Variants in PAK5 observed in about 807,000 individuals in gnomAD.
PAK5 encodes p21 (RAC1) activated kinase 5.
A neutral mutation model predicts 65.9 loss-of-function variants in PAK5; 16 were observed. The ratio of observed to expected loss-of-function variants is 0.24; its 90% CI spans 0.16 to 0.37. The LOEUF is 0.37. Among genes scored for constraint, PAK5 ranks in the 10% least tolerant of loss-of-function variants. PAK5 has a pLI of 1.00. For synonymous variants in PAK5, 371 were observed against 354.9 expected (o/e 1.05, Z -0.51); for missense variants, 785 against 903.9 (o/e 0.87, Z 1.69).
At position 9,780,160 on chromosome 20, in the gene PAK5, A is replaced by G. The variant is rs145416923; in HGVS notation, c.-162+58602T>C. On this transcript the variant is annotated intron_variant, in intron 1 of 9. Transcript: ENST00000353224. ...TAGCTCTAAGTGAGCTTTTATTAGC[A>G]TGGGGCAAAATTAGATAAAAAATAC... is the stretch of plus-strand genomic sequence containing the variant. Among the ~76,000 whole-genome samples the G allele has an allele frequency of 4.6e-3, 703 of 152,234 alleles. 6 individuals carry two copies. Among genetic ancestry groups the G allele is most frequent in the African/African-American group, 0.016 (653 of 41,564 alleles).
chr20:9,652,592 G>A (rs570229770), intron 2 of PAK5, among the ~76,000 whole-genome samples: 6 of 152,224 alleles, frequency 3.9e-5, no homozygotes, highest in African/African-American at 1.4e-4. Flanking sequence ...AAGCCTGTTG[G>A]GTGAATACAA....
intron 4 of PAK5, 25 bp from the exon 5 acceptor site, chr20:9,566,409 A>T: frequency 6.2e-7 from 1 of 1,601,772 alleles, no homozygotes; most frequent in South Asian, 1.1e-5. Context: ...ATGGATAGAG[A>T]ATATTCACAT....
intron 1 of PAK5, among the ~76,000 whole-genome samples, chr20:9,805,194 G>A (rs1176863094): frequency 6.6e-6 from 1 of 152,132 alleles, no homozygotes; most frequent in African/African-American, 2.4e-5. Context: ...CACTCACTAG[G>A]ATGGCTAGAA....
chr20:9,754,492 A>G (rs1478338285), intron 1 of PAK5, among the ~76,000 whole-genome samples: 4 of 152,130 alleles, frequency 2.6e-5, no homozygotes, highest in African/African-American at 9.7e-5. Context: ...CAGGTGATCC[A>G]TTGAGTGCAA....
chr20:9,780,269 A>G lies in PAK5; in HGVS notation c.-162+58493T>C, dbSNP rs111978761. ...AATCAGAGGAAGAAAATGATAGCTA[A>G]AATCAGAAATAAATATGACATAATA... On this transcript the variant is annotated intron_variant, in intron 1 of 9. Transcript: ENST00000353224. 7.0e-3 allele frequency among the ~76,000 whole-genome samples: 1,059 copies of G among 152,086 alleles called. 13 individuals carry two copies. Among genetic ancestry groups the G allele is most frequent in the South Asian group, 0.028 (135 of 4,824 alleles).
chr20:9,769,643 G>A (rs940047482), intron 1 of PAK5, among the ~76,000 whole-genome samples: 13 of 152,198 alleles, frequency 8.5e-5, no homozygotes, highest in Admixed American at 8.5e-4. Flanking sequence ...TTCAAGCCCG[G>A]TTAGACAGAC....
At chr20:9,603,052 A>G (rs1438974188) in intron 3 of PAK5, among the ~76,000 whole-genome samples, 1 of 152,180 alleles carries the variant, frequency 6.6e-6, no homozygotes, top group African/African-American at 2.4e-5. Context: ...AGAACCCAGG[A>G]AGGTGGGAGG....
chr20:9,707,466 C>G (rs765922718), intron 2 of PAK5, among the ~76,000 whole-genome samples: 21 of 152,160 alleles, frequency 1.4e-4, no homozygotes, highest in Admixed American at 3.3e-4. Context: ...ACTCTGTAAT[C>G]TTTTATTCAG....
chr20:9,661,432 T>C (rs1407519678), intron 2 of PAK5, among the ~76,000 whole-genome samples: 1 of 152,174 alleles, frequency 6.6e-6, no homozygotes, highest in Admixed American at 6.5e-5. Flanking sequence ...CCTTTCCCTG[T>C]TATCTCATTA....
intron 1 of PAK5, among the ~76,000 whole-genome samples, chr20:9,820,636 T>C (rs905677222): frequency 1.3e-5 from 2 of 152,224 alleles, no homozygotes; most frequent in African/African-American, 4.8e-5. Flanking sequence ...TCTTCCTTCC[T>C]GCCTCTTCCA....
chr20:9,666,432 C>T (rs538455714), intron 2 of PAK5, among the ~76,000 whole-genome samples: 7 of 100,448 alleles, frequency 7.0e-5, no homozygotes, highest in Admixed American at 1.1e-4. Flanking sequence ...CAGCAAAAGG[C>T]GGAATGAAAA....
chr20:9,671,622 T>G (rs2123369791), intron 2 of PAK5, among the ~76,000 whole-genome samples: 1 of 148,914 alleles, frequency 6.7e-6, no homozygotes, highest in Non-Finnish European at 1.5e-5. Context: ...GTACATTGAT[T>G]TTGTATCCTG....
At chr20:9,618,363 A>G (rs923179764) in intron 3 of PAK5, among the ~76,000 whole-genome samples, 2 of 151,496 alleles carry the variant, frequency 1.3e-5, no homozygotes, top group African/African-American at 4.9e-5. Flanking sequence ...TATTGCTGAG[A>G]CATATGTTGA....
chr20:9,601,980 T>C (rs1055157081), intron 3 of PAK5, among the ~76,000 whole-genome samples: 2 of 152,180 alleles, frequency 1.3e-5, no homozygotes, highest in Non-Finnish European at 1.5e-5. Context: ...TTGTTTGCTA[T>C]GTAGCATTTT....
intron 1 of PAK5, among the ~76,000 whole-genome samples, chr20:9,732,654 T>C (rs55829031): frequency 0.67 from 101,666 of 151,416 alleles, 34,416 homozygotes; most frequent in South Asian, 0.84. Context: ...ACACTTCCCT[T>C]TCCTACACAA....
At chr20:9,731,916 A>G (rs1385246008) in intron 1 of PAK5, among the ~76,000 whole-genome samples, 1 of 152,188 alleles carries the variant, frequency 6.6e-6, no homozygotes, top group African/African-American at 2.4e-5. Context: ...ATAATATAGA[A>G]AGTCTGAAGT....
intron 3 of PAK5, among the ~76,000 whole-genome samples, chr20:9,603,172 A>G (rs1159899299): frequency 1.3e-5 from 2 of 152,226 alleles, no homozygotes; most frequent in East Asian, 3.8e-4. Flanking sequence ...CAAATGGCCT[A>G]CAAGCTACCT....
At chr20:9,651,020 G>C (rs908947724) in intron 2 of PAK5, among the ~76,000 whole-genome samples, 2 of 152,074 alleles carry the variant, frequency 1.3e-5, no homozygotes, top group African/African-American at 4.8e-5. Context: ...AAAGGGTAAC[G>C]GCAAAAGAAT....
chr20:9,750,160 T>C (rs1404265751), intron 1 of PAK5, among the ~76,000 whole-genome samples: 1 of 152,078 alleles, frequency 6.6e-6, no homozygotes, highest in Non-Finnish European at 1.5e-5. Context: ...AGAGGGAAAT[T>C]ACTACTCTCT....
Sources: allele counts gnomAD v4.1 joint callset (sites outside exome capture counted in the v4.1 genomes callset), GRCh38; gene constraint gnomAD v4.1.1; transcripts MANE v1.5; gene names NCBI Gene and HGNC (gene_info 2026-07-23, HGNC 2026-07-21).